The following NSD1 variants were observed in gnomAD, a reference collection of about 807,000 sequenced individuals.
The protein encoded by NSD1 is nuclear receptor binding SET domain protein 1.
A neutral mutation model predicts 242.7 loss-of-function variants in NSD1; 26 were observed. The observed-to-expected ratio is 0.11, with a 90% CI of 0.08 to 0.15. NSD1 has a LOEUF of 0.15. Ranked by LOEUF, NSD1 falls within the 10% of genes least tolerant of loss-of-function variation. The pLI is 1.00. For synonymous variants in NSD1, 1,106 were observed against 1,178.1 expected (o/e 0.94, Z 1.25); for missense variants, 2,495 against 3,272.8 (o/e 0.76, Z 5.80).
At chr5:177,232,440 C>G (rs542466850) in intron 5 of NSD1, among the ~76,000 whole-genome samples, 1 of 152,308 alleles carries the variant, frequency 6.6e-6, no homozygotes, top group South Asian at 2.1e-4. Context: ...CATAATACCA[C>G]AAGTGGAAAA....
intron 5 of NSD1, among the ~76,000 whole-genome samples, chr5:177,213,160 T>G (rs1244966003): frequency 6.6e-6 from 1 of 152,232 alleles, no homozygotes; most frequent in Non-Finnish European, 1.5e-5. Flanking sequence ...TTCAAGATAC[T>G]AACATTACAC....
Position 177,248,309 on chromosome 5 carries a change from G to A in NSD1, c.4626G>A (p.Lys1542=), listed in dbSNP as rs1375143835. Residue 1542 remains lysine, a synonymous_variant, in exon 11 of 23, where the codon AAG becomes AAA. Transcript: ENST00000439151. The part of the protein sequence containing the change: ...QGERGGGAAL[K]ENVCQNCEKL... ...AACGCGGTGGAGGAGCTGCACTCAA[G>A]GAGAATGTCTGTCAGGTAGAGAAAT... The A allele has an allele frequency of 4.3e-6, 7 of 1,613,858 alleles. No individual in the cohort carries two copies. Among genetic ancestry groups the A allele is most frequent in the Non-Finnish European group, 5.9e-6 (7 of 1,179,886 alleles).
chr5:177,198,957 T>C (rs1027937862), intron 3 of NSD1, among the ~76,000 whole-genome samples: 1 of 152,214 alleles, frequency 6.6e-6, no homozygotes, highest in African/African-American at 2.4e-5. Context: ...TAATGTACTT[T>C]CTGTTTCTGT....
intron 20 of NSD1, among the ~76,000 whole-genome samples, chr5:177,287,580 G>A (rs1759437076): frequency 6.6e-6 from 1 of 152,204 alleles, no homozygotes; most frequent in African/African-American, 2.4e-5. Context: ...AGGCTGCAGT[G>A]AGCCGGGATC....
intron 22 of NSD1, among the ~76,000 whole-genome samples, chr5:177,292,705 G>A (rs1283175485): frequency 6.6e-6 from 1 of 152,226 alleles, no homozygotes; most frequent in East Asian, 1.9e-4. Context: ...CTCTAAAGGA[G>A]ATTTGGTTGT....
At chr5:177,190,719 G>T (rs1761596984) in intron 2 of NSD1, among the ~76,000 whole-genome samples, 1 of 151,508 alleles carries the variant, frequency 6.6e-6, no homozygotes, top group Admixed American at 6.6e-5. Context: ...TCCCAGGCTG[G>T]AGTGCAGTGG....
At chr5:177,293,660 AAG>A (rs1038524700) in intron 22 of NSD1, among the ~76,000 whole-genome samples, 170 bp from the exon 23 acceptor site, 10 of 151,778 alleles carry the variant, frequency 6.6e-5, no homozygotes, top group African/African-American at 2.2e-4. Flanking sequence ...TGTGCACAAA[AAG>A]AAGCTGGAAT....
intron 17 of NSD1, among the ~76,000 whole-genome samples, chr5:177,276,506 A>C (rs1261330296): frequency 6.6e-6 from 1 of 150,920 alleles, no homozygotes; most frequent in Non-Finnish European, 1.5e-5. Context: ...TTGTGTTTTT[A>C]GTAGAGATGG....
rs1333559660 is a variant in NSD1, at chr5:177,295,780, G to A, written c.*321G>A. On this transcript the variant is annotated 3_prime_UTR_variant, in exon 23 of 23. Transcript: ENST00000439151. The surrounding 1 kb of genome is among the most constrained non-coding windows in gnomAD (Gnocchi z 4.3). The stretch of plus-strand genomic sequence containing the variant: ...GGAGTCAAGTATGGAATTCAATTCC[G>A]CTGGTCAGGTTGGAAGGTATAGGGG... The A allele has an allele frequency of 1.2e-5, 6 of 488,826 alleles. No individual in the cohort carries two copies. The highest frequency in any genetic ancestry group is 3.3e-5 in the Admixed American group (1 of 30,460). 30.3% of individuals were successfully genotyped at this position (488,826 alleles called of 1,614,324 possible).
intron 17 of NSD1, among the ~76,000 whole-genome samples, chr5:177,275,157 T>G (rs1758264830): frequency 6.6e-6 from 1 of 151,638 alleles, no homozygotes; most frequent in African/African-American, 2.4e-5. Context: ...ACTGAAAAAC[T>G]TTCGTTGTTT....
At chr5:177,157,954 C>G (rs1372141423) in intron 2 of NSD1, among the ~76,000 whole-genome samples, 1 of 152,186 alleles carries the variant, frequency 6.6e-6, no homozygotes, top group African/African-American at 2.4e-5. Context: ...CATTTTACTG[C>G]TGAATATTGC....
At chr5:177,248,397 A>T in intron 11 of NSD1, 73 bp downstream of exon 11, 1 of 1,512,486 alleles carries the variant, frequency 6.6e-7, no homozygotes, top group Non-Finnish European at 9.0e-7. Flanking sequence ...CCATCTCTTT[A>T]TGATGGTTTC....
intron 2 of NSD1, among the ~76,000 whole-genome samples, chr5:177,178,163 T>C (rs998268327): frequency 1.3e-5 from 2 of 152,180 alleles, no homozygotes; most frequent in Non-Finnish European, 2.9e-5. Flanking sequence ...GCTAAAGTGC[T>C]TGAATTATAG....
chr5:177,248,383 C>A, intron 11 of NSD1, 59 bp downstream of exon 11: 1 of 1,553,066 alleles, frequency 6.4e-7, no homozygotes, highest in Non-Finnish European at 8.8e-7. Context: ...AAGGGAAACC[C>A]ACTCCATCTC....
chr5:177,158,998 T>TTATATGTATATATATATGAATGAGATA (rs1758459133), intron 2 of NSD1, among the ~76,000 whole-genome samples: 5 of 122,612 alleles, frequency 4.1e-5, no homozygotes, highest in African/African-American at 1.9e-4. Flanking sequence ...ATGAATGATT[T>TTATATGTATATATATATGAATGAGATA]TATATATATA....
intron 3 of NSD1, among the ~76,000 whole-genome samples, chr5:177,193,265 C>T (rs999127203): frequency 1.3e-5 from 2 of 151,976 alleles, no homozygotes; most frequent in Non-Finnish European, 2.9e-5. Context: ...CTCAGCCTCC[C>T]GAGTAGCTGG....
rs148463414 is a variant in NSD1 at position 177,142,263 on chromosome 5, T to G, written c.927+6233T>G. On this transcript the variant is annotated intron_variant, in intron 2 of 22. Transcript: ENST00000439151. Reference sequence around the variant, plus strand: ...CAGTCAATCATTTAAATGATTAAAATACATTTGAGTACCTCTTGAGCCAGG... The same window carrying G: ...CAGTCAATCATTTAAATGATTAAAAGACATTTGAGTACCTCTTGAGCCAGG... 4.3e-3 allele frequency among the ~76,000 whole-genome samples: 650 copies of G among 152,248 alleles called. 3 individuals carry two copies. The highest frequency in any genetic ancestry group is 0.014 in the African/African-American group (594 of 41,538).
chr5:177,258,466 T>C (rs1476547172), intron 13 of NSD1, among the ~76,000 whole-genome samples: 2 of 152,148 alleles, frequency 1.3e-5, no homozygotes, highest in Non-Finnish European at 2.9e-5. Context: ...TCTGTGCATA[T>C]AGGTAAACTT....
At chr5:177,179,603 A>G (rs1189504207) in intron 2 of NSD1, among the ~76,000 whole-genome samples, 1 of 152,220 alleles carries the variant, frequency 6.6e-6, no homozygotes, top group Non-Finnish European at 1.5e-5. Flanking sequence ...AGCTGCTTTG[A>G]CTTGGAATGT....
Sources: gnomAD v4.1 joint callset for allele counts (sites outside exome capture counted in the v4.1 genomes callset) on GRCh38, gnomAD v4.1.1 for gene constraint, Gnocchi (gnomAD v3.1) non-coding constraint, MANE v1.5 for transcripts, NCBI Gene and HGNC (gene_info 2026-07-23, HGNC 2026-07-21) for gene names.